Variants in CTBP1 observed in about 807,000 individuals in gnomAD.
CTBP1 encodes C-terminal-binding protein 1.
In CTBP1, 11 loss-of-function variants were observed where a neutral mutation model predicts 42.1. The observed-to-expected ratio is 0.26, with a 90% CI of 0.16 to 0.43. CTBP1 has a LOEUF of 0.43. Among genes scored for constraint, CTBP1 ranks in the 20% least tolerant of loss-of-function variants. CTBP1 has a pLI of 1.00. For synonymous variants in CTBP1, 324 were observed against 277.1 expected, an observed-to-expected ratio of 1.17 and a Z score of -1.68; for missense variants, 399 against 624.3, an observed-to-expected ratio of 0.64 and a Z score of 3.85.
Position 1,241,727 on chromosome 4 carries a change from C to A in CTBP1, c.-188-208G>T, listed in dbSNP as rs1414170584. The A allele has an allele frequency of 1.5e-5, 18 of 1,208,098 alleles. 1 individual carries two copies. Among genetic ancestry groups the A allele is most frequent in the Non-Finnish European group, 1.9e-5 (18 of 954,972 alleles). The allele number at this position is 1,208,098 out of a possible 1,614,324, so 74.8% of individuals were successfully genotyped here. On this transcript the variant is annotated intron_variant, in intron 1 of 9. Coordinates refer to ENST00000382952, the MANE Select transcript of CTBP1 (RefSeq NM_001012614.2). ...ACGAAGGGCGCTCACCCTGAGGTTG[C>A]AGTGCCAGGCCCGAGGCCGCGCCCC...
At chr4:1,227,038 A>T (rs551106590) in intron 4 of CTBP1, among the ~76,000 whole-genome samples, 4 of 152,150 alleles carry the variant, frequency 2.6e-5, no homozygotes, top group Admixed American at 2.6e-4. Flanking sequence ...AGAGGAGGAG[A>T]AAAAACAGAC....
chr4:1,237,797 T>G (rs1560273202), intron 3 of CTBP1: 2 of 684,838 alleles, frequency 2.9e-6, no homozygotes, highest in Admixed American at 2.1e-5. Context: ...CACCTCCTGA[T>G]GGGGCACAGG....
At chr4:1,215,131 C>T (rs1437243405) in intron 6 of CTBP1, among the ~76,000 whole-genome samples, 1 of 152,196 alleles carries the variant, frequency 6.6e-6, no homozygotes, top group Non-Finnish European at 1.5e-5. Context: ...AAGCCTCACA[C>T]CCAAGGTCCT....
rs180900300 is a variant in CTBP1, at chr4:1,228,472, G to C, written c.163-129C>G. ...AGGCTTGTTCCCCAAGCACCAGCCCGGACACTGGGAGAGGCTACATGAAGG... is the reference window on the plus strand; with the variant it reads ...AGGCTTGTTCCCCAAGCACCAGCCCCGACACTGGGAGAGGCTACATGAAGG... On this transcript the variant is annotated intron_variant, in intron 3 of 9. Transcript: ENST00000382952. 6.8e-6 allele frequency: 8 copies of C among 1,169,420 alleles called. No homozygotes were observed. The South Asian group carries it at 1.2e-4, about 18-fold the overall frequency. 72.4% of individuals were successfully genotyped at this position (1,169,420 alleles called of 1,614,324 possible). A position where few individuals can be genotyped will look rare whatever the true frequency, so the allele number is the denominator to read the frequency against.
chr4:1,214,148 G>C (rs568011360), intron 7 of CTBP1, 195 bp downstream of exon 7: 1 of 668,284 alleles, frequency 1.5e-6, no homozygotes, highest in Non-Finnish European at 2.3e-6. Context: ...CCCCTCACAG[G>C]ACCGAGGCAA....
intron 5 of CTBP1, chr4:1,221,663 G>C (rs912893583): frequency 3.6e-6 from 1 of 274,500 alleles, no homozygotes; most frequent in East Asian, 1.3e-4. Context: ...ATCCCACCTC[G>C]GCACAGCTGG....
At chr4:1,222,180 G>C (rs1373633578) in intron 5 of CTBP1, among the ~76,000 whole-genome samples, 2 of 152,194 alleles carry the variant, frequency 1.3e-5, no homozygotes, top group East Asian at 3.9e-4. Flanking sequence ...CAGAGGGTGG[G>C]ATGGGGCTCA....
At chr4:1,234,066 G>A (rs1217521603) in intron 3 of CTBP1, among the ~76,000 whole-genome samples, 1 of 152,182 alleles carries the variant, frequency 6.6e-6, no homozygotes, top group African/African-American at 2.4e-5. Flanking sequence ...GAGAGGCCCT[G>A]CTCCCCTCTG....
intron 9 of CTBP1, 74 bp from the exon 10 acceptor site, chr4:1,212,497 C>A: frequency 3.9e-6 from 5 of 1,291,668 alleles, no homozygotes; most frequent in Non-Finnish European, 5.1e-6. Flanking sequence ...CTCCTAGCAT[C>A]GGCAGCACCG....
At chr4:1,215,908 T>A in intron 6 of CTBP1, 83 bp downstream of exon 6, 1 of 1,437,830 alleles carries the variant, frequency 7.0e-7, no homozygotes, top group African/African-American at 1.4e-5. Flanking sequence ...CAGGTGCAGA[T>A]GGCTGCTGGG....
intron 5 of CTBP1, among the ~76,000 whole-genome samples, chr4:1,222,750 A>T (rs1729890551): frequency 6.6e-6 from 1 of 151,636 alleles, no homozygotes; most frequent in Non-Finnish European, 1.5e-5. Flanking sequence ...CCAGCTCCAC[A>T]ATCAGCCTGG....
intron 5 of CTBP1, among the ~76,000 whole-genome samples, chr4:1,224,347 G>T (rs889391374): frequency 1.3e-5 from 2 of 151,976 alleles, no homozygotes; most frequent in Admixed American, 6.6e-5. Context: ...GTCTGTGTGG[G>T]GTCCACGTGT....
At position 1,239,549 on chromosome 4, in the gene CTBP1, G is replaced by A. The variant is rs865860301; in HGVS notation, c.8-1212C>T. Among the ~76,000 whole-genome samples the A allele has an allele frequency of 1.8e-4, 28 of 152,366 alleles. No individual in the cohort carries two copies. The Middle Eastern group carries it at 0.01, about 56-fold the overall frequency. ...CCTGCAGGTGAGCAGAGGCCACCGAGCTGCCAGTATCCAGGAAGCAGGGAA... is the reference window on the plus strand; with the variant it reads ...CCTGCAGGTGAGCAGAGGCCACCGAACTGCCAGTATCCAGGAAGCAGGGAA... On this transcript the variant is annotated intron_variant, in intron 2 of 9. Coordinates refer to ENST00000382952, the MANE Select transcript of CTBP1 (RefSeq NM_001012614.2).
intron 1 of CTBP1, chr4:1,243,668 C>A: frequency 1.0e-6 from 1 of 985,450 alleles, no homozygotes; most frequent in Non-Finnish European, 1.2e-6. Flanking sequence ...AGAGGCCCTG[C>A]GCACCTCACG....
At chr4:1,214,734 C>A (rs111716156) in intron 6 of CTBP1, among the ~76,000 whole-genome samples, 1 of 152,344 alleles carries the variant, frequency 6.6e-6, no homozygotes, top group African/African-American at 2.4e-5. Context: ...CTGCCCAAGC[C>A]CTGAGCTGAG....
In CTBP1 at chr4:1,241,453, C is replaced by G. The variant is rs774710944; in HGVS notation, c.-122G>C. 6.3e-7 allele frequency: 1 copy of G among 1,593,476 alleles called. No individual in the cohort carries two copies. The highest frequency in any genetic ancestry group is 1.1e-5 in the South Asian group (1 of 90,596). On this transcript the variant is annotated 5_prime_UTR_variant, in exon 2 of 10. Coordinates refer to ENST00000382952, the MANE Select transcript of CTBP1 (RefSeq NM_001012614.2). ...CCTCATCCCACGTCCTTAATTGTCT[C>G]GAGCCAAAGTGCTCAGGCTTCTGAT...
chr4:1,244,133 CT>C, intron 1 of CTBP1: 1 of 985,384 alleles, frequency 1.0e-6, no homozygotes. Flanking sequence ...CCAGAGCCTC[CT>C]GGCCACATGT....
At chr4:1,223,273 G>C (rs1729952143) in intron 5 of CTBP1, 10 of 363,428 alleles carry the variant, frequency 2.8e-5, no homozygotes, top group South Asian at 1.6e-4. Context: ...GAGGTGTGAG[G>C]AACAGGCACC....
chr4:1,244,743 T>C, intron 1 of CTBP1: 4 of 985,122 alleles, frequency 4.1e-6, no homozygotes, highest in Non-Finnish European at 4.8e-6. Context: ...CGGGCTCGAG[T>C]GGCCCTCTCG....
Sources: gnomAD v4.1 joint callset for allele counts (sites outside exome capture counted in the v4.1 genomes callset) on GRCh38, gnomAD v4.1.1 for gene constraint, MANE v1.5 for transcripts, NCBI Gene and HGNC (gene_info 2026-07-23, HGNC 2026-07-21) for gene names.